The following PDCD2L variants were observed in gnomAD, a reference collection of about 807,000 sequenced individuals.
The protein encoded by PDCD2L is uS5 assembly chaperone PDCD2L.
PDCD2L carries 44 observed loss-of-function variants against 40.4 expected under a neutral mutation model. The ratio of observed to expected loss-of-function variants is 1.09; its 90% CI spans 0.86 to 1.40. The LOEUF (loss-of-function observed/expected upper bound fraction) is 1.40, where lower values mean the gene tolerates loss of function less well. Ranked by LOEUF, PDCD2L falls within the 40% of genes most tolerant of loss-of-function variation. PDCD2L has a pLI of 0.00. For missense variants in PDCD2L, 470 were observed against 453.7 expected (o/e 1.04, Z -0.33); for synonymous variants, 194 against 174.6 (o/e 1.11, Z -0.88).
intron 5 of PDCD2L, among the ~76,000 whole-genome samples, chr19:34,419,236 A>AC (rs1426483237): frequency 6.6e-6 from 1 of 151,720 alleles, no homozygotes; most frequent in Non-Finnish European, 1.5e-5. Flanking sequence ...ATCTTGGCTC[A>AC]CTGCAACCTC....
At chr19:34,415,086 C>CATATATTTATTTT (rs2075121304) in intron 5 of PDCD2L, among the ~76,000 whole-genome samples, 2 of 152,060 alleles carry the variant, frequency 1.3e-5, no homozygotes, top group African/African-American at 4.8e-5. Flanking sequence ...GCATCAGCCA[C>CATATATTTATTTT]GACCCTTGGC....
Position 34,426,110 on chromosome 19 carries a change from T to C in PDCD2L, c.1067T>C (p.Leu356Ser), listed in dbSNP as rs528419101. ...CIIQEDPDELLFK is the reference protein window; with the variant it reads ...CIIQEDPDELSFK ...ATACAAGAAGACCCAGATGAATTAT[T>C]GTTTAAGTAGAGCATTTCCTTTTAT... Residue 356 changes from leucine to serine, a missense_variant, in exon 7 of 7, where the codon TTG (leucine) becomes TCG (serine). Transcript: ENST00000246535. 1.3e-6 allele frequency: 2 copies of C among 1,572,612 alleles called. No homozygotes were observed. Among genetic ancestry groups the C allele is most frequent in the African/African-American group, 1.4e-5 (1 of 74,068 alleles).
intron 3 of PDCD2L, among the ~76,000 whole-genome samples, chr19:34,405,438 G>C (rs1043773989): frequency 7.9e-5 from 12 of 151,248 alleles, no homozygotes; most frequent in African/African-American, 2.7e-4. Flanking sequence ...GAGCCACCGC[G>C]CCCGGCCTTT....
At chr19:34,418,040 G>C (rs1334512707) in intron 5 of PDCD2L, among the ~76,000 whole-genome samples, 3 of 152,260 alleles carry the variant, frequency 2.0e-5, no homozygotes, top group East Asian at 3.9e-4. Context: ...AACAAATGAT[G>C]TTGTGCATCT....
Position 34,404,686 on chromosome 19 carries a change from GT to G in PDCD2L, c.147del (p.Gln50SerfsTer107), listed in dbSNP as rs748326984. ...LPTVAAPRPV[C>X]QRCGQPLALV... ...ACCGTGGCTGCGCCCAGGCCCGTGT[GT>G]CAGCGCTGCGGGCAGCCGCTCGCTC... On this transcript the variant is annotated frameshift_variant, in exon 2 of 7. Transcript: ENST00000246535. LOFTEE classifies it high-confidence loss of function. 2 of 1,612,204 alleles carry G rather than the reference GT, an allele frequency of 1.2e-6. No homozygotes were observed. The highest frequency in any genetic ancestry group is 2.2e-5 in the South Asian group (2 of 91,062).
At chr19:34,420,613 C>T (rs1399536927) in intron 5 of PDCD2L, among the ~76,000 whole-genome samples, 2 of 151,702 alleles carry the variant, frequency 1.3e-5, no homozygotes, top group East Asian at 3.9e-4. Flanking sequence ...TATAGCAAGA[C>T]CCTGTCTCTA....
intron 6 of PDCD2L, chr19:34,422,139 T>TTTA (rs918559539): frequency 6.7e-6 from 1 of 149,864 alleles, no homozygotes; most frequent in African/African-American, 2.5e-5. Context: ...TTTTTTTTTT[T>TTTA]AATATTTATT....
chr19:34,416,444 G>A (rs191260286), intron 5 of PDCD2L, among the ~76,000 whole-genome samples: 15 of 152,270 alleles, frequency 9.9e-5, no homozygotes, highest in African/African-American at 3.4e-4. Context: ...GCCTCCATTC[G>A]AGTGGGATCT....
chr19:34,420,918 A>T (rs545208675), intron 5 of PDCD2L, among the ~76,000 whole-genome samples: 16 of 151,742 alleles, frequency 1.1e-4, no homozygotes, highest in African/African-American at 3.9e-4. Flanking sequence ...GAGGTGGGGG[A>T]TGTGGGGCAT....
intron 5 of PDCD2L, among the ~76,000 whole-genome samples, chr19:34,418,686 A>G (rs1045029319): frequency 7.9e-5 from 12 of 152,222 alleles, no homozygotes; most frequent in Non-Finnish European, 1.8e-4. Flanking sequence ...TTAACTTGTT[A>G]AGAAACAGGC....
intron 3 of PDCD2L, among the ~76,000 whole-genome samples, chr19:34,405,294 A>G (rs888177263): frequency 1.3e-5 from 2 of 150,966 alleles, no homozygotes; most frequent in East Asian, 2.0e-4. Context: ...TTACAGGCAT[A>G]TGCCACCACG....
chr19:34,425,896 T>A (rs1351454112), intron 6 of PDCD2L, 94 bp from the exon 7 acceptor site: 2 of 1,312,952 alleles, frequency 1.5e-6, no homozygotes, highest in African/African-American at 3.0e-5. Flanking sequence ...TTTACCTAAT[T>A]ACTTTTTCAG....
At chr19:34,423,940 A>G (rs2075164620) in intron 6 of PDCD2L, among the ~76,000 whole-genome samples, 2 of 152,154 alleles carry the variant, frequency 1.3e-5, no homozygotes, top group Non-Finnish European at 2.9e-5. Context: ...AATAGCTTTA[A>G]GGAGGGCTCA....
intron 5 of PDCD2L, among the ~76,000 whole-genome samples, chr19:34,417,120 T>G (rs2075129835): frequency 6.7e-6 from 1 of 150,120 alleles, no homozygotes; most frequent in African/African-American, 2.5e-5. Flanking sequence ...TCTCAAAAAA[T>G]AAAATAAAAT....
chr19:34,411,963 CAT>C (rs74177146), intron 4 of PDCD2L, among the ~76,000 whole-genome samples: 2,237 of 137,648 alleles, frequency 0.016, 25 homozygotes, highest in South Asian at 0.026. Flanking sequence ...ATGAAAAATA[CAT>C]ATATATATAT....
chr19:34,426,009 A>G lies in PDCD2L; in HGVS notation c.966A>G (p.Gly322=). The part of the protein sequence containing the change: ...SANLGLSVEF[G]TILVYTCEKS... ...TTTCAGGTCTTTCTGTGGAATTTGG[A>G]ACAATTCTAGTTTACACATGTGAGA... is the stretch of plus-strand genomic sequence containing the variant. Residue 322 remains glycine (G), a synonymous_variant, in exon 7 of 7, where the codon GGA becomes GGG. Transcript: ENST00000246535. 6.2e-7 allele frequency: 1 copy of G among 1,612,452 alleles called. No homozygotes were observed. Among genetic ancestry groups the G allele is most frequent in the Non-Finnish European group, 8.5e-7 (1 of 1,179,362 alleles).
intron 4 of PDCD2L, among the ~76,000 whole-genome samples, chr19:34,410,940 A>G (rs1175294024): frequency 2.7e-5 from 4 of 150,608 alleles, no homozygotes; most frequent in Admixed American, 6.6e-5. Flanking sequence ...GCGCGCCACC[A>G]CACCCAGCTA....
intron 4 of PDCD2L, among the ~76,000 whole-genome samples, chr19:34,412,624 A>C (rs1378116842): frequency 6.6e-6 from 1 of 151,706 alleles, no homozygotes; most frequent in Non-Finnish European, 1.5e-5. Context: ...AGGCTGAGGC[A>C]GGAGAATTGC....
chr19:34,421,048 A>C (rs2075148418), intron 5 of PDCD2L, among the ~76,000 whole-genome samples: 1 of 152,236 alleles, frequency 6.6e-6, no homozygotes, highest in Non-Finnish European at 1.5e-5. Context: ...ATGAGAATCT[A>C]ATGCTGCTGA....
Sources: allele counts gnomAD v4.1 joint callset (sites outside exome capture counted in the v4.1 genomes callset), GRCh38; gene constraint gnomAD v4.1.1; transcripts MANE v1.5; gene names NCBI Gene and HGNC (gene_info 2026-07-23, HGNC 2026-07-21).